Variants in PEX5L observed in about 807,000 individuals in gnomAD.
PEX5L encodes peroxisomal biogenesis factor 5 like.
Under a neutral mutation model 84.0 loss-of-function variants are expected in PEX5L, and 30 were observed. The ratio of observed to expected loss-of-function variants is 0.36; its 90% CI spans 0.27 to 0.48. The LOEUF (loss-of-function observed/expected upper bound fraction) is 0.48. PEX5L is among the 20% of genes least tolerant of loss of function. The probability of loss-of-function intolerance (pLI) is 0.99; values close to 1 mark genes in which losing one functional copy is unlikely to be tolerated. For missense variants in PEX5L, 533 were observed against 754.6 expected, an observed-to-expected ratio of 0.71 and a Z score of 3.44; for synonymous variants, 270 against 283.1, an observed-to-expected ratio of 0.95 and a Z score of 0.46.
intron 2 of PEX5L, among the ~76,000 whole-genome samples, chr3:179,963,625 A>G (rs1031609848): frequency 3.3e-5 from 5 of 152,214 alleles, no homozygotes; most frequent in Non-Finnish European, 7.3e-5. Context: ...GTCTGATTAT[A>G]TACTGTTTAA....
At chr3:179,891,811 G>A (rs989948988) in intron 3 of PEX5L, among the ~76,000 whole-genome samples, 1 of 152,060 alleles carries the variant, frequency 6.6e-6, no homozygotes. Flanking sequence ...TTTTGAACAA[G>A]TTTATGATAT....
intron 3 of PEX5L, among the ~76,000 whole-genome samples, chr3:179,895,885 G>C (rs1759093097): frequency 2.0e-5 from 3 of 152,014 alleles, no homozygotes; most frequent in African/African-American, 7.2e-5. Flanking sequence ...GACATATCTG[G>C]AATCTATCAC....
chr3:180,009,873 T>C (rs1789268964), intron 1 of PEX5L, among the ~76,000 whole-genome samples: 1 of 152,204 alleles, frequency 6.6e-6, no homozygotes, highest in Admixed American at 6.5e-5. Context: ...TGGCTGTGGT[T>C]CTCCATATTG....
intron 2 of PEX5L, among the ~76,000 whole-genome samples, chr3:179,903,188 A>G (rs1291407886): frequency 1.3e-5 from 2 of 152,160 alleles, no homozygotes; most frequent in Non-Finnish European, 2.9e-5. Context: ...GTATACATAC[A>G]TGTAAACAAA....
rs147639795 is a variant in PEX5L, at chr3:180,011,171, A to C, written c.21+25408T>G. On this transcript the variant is annotated intron_variant, in intron 1 of 14. Transcript: ENST00000467460. ...ATATCCTTAGTGGTCGTCACCTAAAAGCAAGGTTAGCTCTCAATTACAGTG... is the reference window on the plus strand; with the variant it reads ...ATATCCTTAGTGGTCGTCACCTAAACGCAAGGTTAGCTCTCAATTACAGTG... Among the ~76,000 whole-genome samples the C allele has an allele frequency of 9.4e-3, 1,433 of 152,364 alleles. 13 individuals are homozygous for C. The highest frequency in any genetic ancestry group is 0.034 in the Middle Eastern group (10 of 294).
intron 5 of PEX5L, among the ~76,000 whole-genome samples, chr3:179,878,127 C>T (rs183434266): frequency 1.3e-3 from 200 of 152,304 alleles, no homozygotes; most frequent in Non-Finnish European, 1.1e-3. Flanking sequence ...CCCATAGTTT[C>T]CTCAAATATA....
chr3:179,809,688 C>T lies in PEX5L; in HGVS notation c.1155-20G>A, dbSNP rs1264787813. On this transcript the variant is annotated intron_variant, in intron 11 of 14. Transcript: ENST00000467460. ...AAGCACCTGAAAAAAAAAAAGAAGC[C>T]AATTTCAGATTTTTTTTTGAGCCAC... 2.6e-6 allele frequency: 4 copies of T among 1,542,406 alleles called. No homozygotes were observed. The highest frequency in any genetic ancestry group is 2.6e-6 in the Non-Finnish European group (3 of 1,140,604).
At chr3:179,859,245 C>G (rs952150611) in intron 7 of PEX5L, 88 bp from the exon 8 acceptor site, 1 of 971,936 alleles carries the variant, frequency 1.0e-6, no homozygotes, top group Non-Finnish European at 1.6e-6. Context: ...TCCCATTTCA[C>G]TTCCCTAGAG....
At chr3:179,946,073 T>G (rs1236334346) in intron 2 of PEX5L, among the ~76,000 whole-genome samples, 1 of 152,054 alleles carries the variant, frequency 6.6e-6, no homozygotes, top group African/African-American at 2.4e-5. Context: ...TATTTGCCAC[T>G]GTCCTTACCT....
intron 7 of PEX5L, among the ~76,000 whole-genome samples, chr3:179,866,953 G>A (rs775423177): frequency 6.7e-6 from 1 of 150,230 alleles, no homozygotes; most frequent in Admixed American, 6.7e-5. Context: ...TTGAACCTGG[G>A]AGGCAGATGT....
chr3:179,986,181 T>TATATAA (rs58775648), intron 1 of PEX5L, among the ~76,000 whole-genome samples: 22,114 of 149,822 alleles, frequency 0.15, 1,993 homozygotes, highest in Admixed American at 0.23. Flanking sequence ...TATATATATA[T>TATATAA]AACTTTATGT....
chr3:179,952,525 C>T (rs1779368044), intron 2 of PEX5L, among the ~76,000 whole-genome samples: 1 of 152,048 alleles, frequency 6.6e-6, no homozygotes, highest in Admixed American at 6.6e-5. Flanking sequence ...CTTTTGAAAA[C>T]AGCATACATC....
intron 8 of PEX5L, 89 bp downstream of exon 8, chr3:179,858,973 C>T: frequency 1.3e-6 from 1 of 776,026 alleles, no homozygotes; most frequent in Non-Finnish European, 2.3e-6. Flanking sequence ...ATGTAAGACC[C>T]ATTTCATTTC....
intron 6 of PEX5L, 29 bp downstream of exon 6, chr3:179,875,325 G>A (rs757287071): frequency 6.2e-7 from 1 of 1,611,168 alleles, no homozygotes; most frequent in South Asian, 1.1e-5. Flanking sequence ...ATACATAAAT[G>A]GCCGTTTTCT....
At chr3:179,965,688 A>C (rs1190219217) in intron 2 of PEX5L, among the ~76,000 whole-genome samples, 4 of 152,202 alleles carry the variant, frequency 2.6e-5, no homozygotes, top group Non-Finnish European at 5.9e-5. Flanking sequence ...GCTTAGGAGA[A>C]TCAGTACATT....
At chr3:179,836,737 T>A (rs2109273301) in intron 8 of PEX5L, among the ~76,000 whole-genome samples, 1 of 152,344 alleles carries the variant, frequency 6.6e-6, no homozygotes, top group East Asian at 1.9e-4. Context: ...TTTTGTCTTT[T>A]GACAGTAGTC....
rs374046689 is a variant in PEX5L at position 179,826,584 on chromosome 3, C to T, written c.823-6608G>A. 7.9e-5 allele frequency among the ~76,000 whole-genome samples: 12 copies of T among 152,176 alleles called. No individual in the cohort carries two copies. The East Asian group carries it at 2.3e-3, about 29-fold the overall frequency. On this transcript the variant is annotated intron_variant, in intron 8 of 14. Transcript: ENST00000467460. Reference sequence around the variant, plus strand: ...GGGCTGGTGACTAGGGCTCCTTTACCATGGGCATGAGGAGATGGGGACATG... The same window carrying T: ...GGGCTGGTGACTAGGGCTCCTTTACTATGGGCATGAGGAGATGGGGACATG...
chr3:179,928,207 T>C (rs796108202), intron 2 of PEX5L, among the ~76,000 whole-genome samples: 20 of 152,298 alleles, frequency 1.3e-4, no homozygotes, highest in African/African-American at 4.8e-4. Flanking sequence ...GGAAGCCAGA[T>C]TGTGAGCCTT....
chr3:179,920,200 C>A (rs1282008062), intron 2 of PEX5L, among the ~76,000 whole-genome samples: 1 of 152,144 alleles, frequency 6.6e-6, no homozygotes, highest in African/African-American at 2.4e-5. Context: ...CTGAGTGGAA[C>A]CTCCATTATG....
Sources: gnomAD v4.1 joint callset for allele counts (sites outside exome capture counted in the v4.1 genomes callset) on GRCh38, gnomAD v4.1.1 for gene constraint, MANE v1.5 for transcripts, NCBI Gene and HGNC (gene_info 2026-07-23, HGNC 2026-07-21) for gene names.